Variants in PCDHGA11 observed in about 807,000 individuals in gnomAD.
PCDHGA11 encodes the protein protocadherin gamma-A11.
In PCDHGA11, 39 loss-of-function variants were observed where a neutral mutation model predicts 60.4. That is an observed-to-expected ratio of 0.65 (90% CI 0.50 to 0.84). The LOEUF is 0.84. Among genes scored for constraint, PCDHGA11 ranks in the 40% least tolerant of loss-of-function variants. The pLI is 0.00. For synonymous variants in PCDHGA11, 533 were observed against 510.3 expected (o/e 1.04, Z -0.60); for missense variants, 1,165 against 1,197.7 (o/e 0.97, Z 0.40).
intron 1 of PCDHGA11, chr5:141,478,822 T>C: frequency 4.2e-6 from 6 of 1,444,070 alleles, no homozygotes; most frequent in Non-Finnish European, 5.5e-6. Flanking sequence ...AACTAACCAA[T>C]CTTGCTAAGG....
rs1160304959 is a variant in PCDHGA11, at chr5:141,490,969, C to A, written c.2434-3838C>A. On this transcript the variant is annotated intron_variant, in intron 1 of 3. Coordinates refer to ENST00000398587, the MANE Select transcript of PCDHGA11 (RefSeq NM_018914.3). This position sits in a 1 kb window ranked among gnomAD's most constrained non-coding sequence, Gnocchi z 5.4. ...GCCAGACTGGGAACACTCAGCCCCC[C>A]AGCGTCTCCCTCGCTCTGCTCCTCC... The A allele has an allele frequency of 2.5e-6, 4 of 1,613,820 alleles. No individual in the cohort carries two copies. In the African/African-American group the frequency reaches 4.0e-5, roughly 16 times the overall value.
At chr5:141,454,203 T>C (rs981646952) in intron 1 of PCDHGA11, among the ~76,000 whole-genome samples, 2 of 152,148 alleles carry the variant, frequency 1.3e-5, no homozygotes, top group African/African-American at 4.8e-5. Flanking sequence ...GGTGAATTTA[T>C]TGACATGAAT....
At chr5:141,507,786 G>A (rs536470814) in intron 3 of PCDHGA11, among the ~76,000 whole-genome samples, 3 of 152,292 alleles carry the variant, frequency 2.0e-5, no homozygotes, top group East Asian at 1.9e-4. Context: ...CCTGACCCTC[G>A]TCTAAGCCTG....
rs182905441 is a variant in PCDHGA11, at chr5:141,450,871, C to A, written c.2433+27211C>A. Among the ~76,000 whole-genome samples, 581 of 149,672 alleles carry A rather than the reference C, an allele frequency of 3.9e-3. 6 individuals carry two copies. Among genetic ancestry groups the A allele is most frequent in the Admixed American group, 0.011 (168 of 14,998 alleles). ...ATGGGGTCTTGCTCTGTCACCCAGGCTGGTGTGCAGTGGTGCGATATCGGC... is the reference window on the plus strand; with the variant it reads ...ATGGGGTCTTGCTCTGTCACCCAGGATGGTGTGCAGTGGTGCGATATCGGC... On this transcript the variant is annotated intron_variant, in intron 1 of 3. Coordinates refer to ENST00000398587, the MANE Select transcript of PCDHGA11 (RefSeq NM_018914.3).
Position 141,486,587 on chromosome 5 carries a change from G to C in PCDHGA11, c.2434-8220G>C. 6.2e-7 allele frequency: 1 copy of C among 1,613,596 alleles called. No individual in the cohort carries two copies. The highest frequency in any genetic ancestry group is 8.5e-7 in the Non-Finnish European group (1 of 1,180,006). On this transcript the variant is annotated intron_variant, in intron 1 of 3. Transcript: ENST00000398587. The surrounding 1 kb of genome is among the most constrained non-coding windows in gnomAD (Gnocchi z 5.0). ...TGTTCCTGAGAACAATCGCCCAGGG[G>C]ACCTGCTTTGCTCCCTTGCAGCCTC...
Position 141,487,532 on chromosome 5 carries a change from A to C in PCDHGA11, c.2434-7275A>C. 6.2e-7 allele frequency: 1 copy of C among 1,614,158 alleles called. No homozygotes were observed. Among genetic ancestry groups the C allele is most frequent in the Non-Finnish European group, 8.5e-7 (1 of 1,180,022 alleles). On this transcript the variant is annotated intron_variant, in intron 1 of 3. Transcript: ENST00000398587. This position sits in a 1 kb window ranked among gnomAD's most constrained non-coding sequence, Gnocchi z 5.0. Reference sequence around the variant, plus strand: ...ACCCACTCGGAGTGATAGCTTCATGATGGTGAAGTCACCCAGTGCACCTAT... The same window carrying C: ...ACCCACTCGGAGTGATAGCTTCATGCTGGTGAAGTCACCCAGTGCACCTAT...
At chr5:141,454,838 C>T (rs1472341694) in intron 1 of PCDHGA11, among the ~76,000 whole-genome samples, 7 of 100,814 alleles carry the variant, frequency 6.9e-5, no homozygotes, top group Non-Finnish European at 1.1e-4. Flanking sequence ...GACAGAGTCG[C>T]GCTCTGTCAC....
intron 1 of PCDHGA11, among the ~76,000 whole-genome samples, chr5:141,457,537 T>C (rs967428207): frequency 6.6e-6 from 1 of 152,228 alleles, no homozygotes; most frequent in Non-Finnish European, 1.5e-5. Context: ...TAGGGTTTAA[T>C]GACAAATGTA....
At chr5:141,499,689 CT>C (rs545067566) in intron 2 of PCDHGA11, among the ~76,000 whole-genome samples, 4,434 of 119,828 alleles carry the variant, frequency 0.037, 46 homozygotes, top group African/African-American at 0.083. Context: ...TAACAGATGA[CT>C]TTTTTTTTTT....
chr5:141,426,998 A>C (rs981827933), intron 1 of PCDHGA11: 8 of 456,664 alleles, frequency 1.8e-5, no homozygotes, highest in African/African-American at 1.6e-4. Flanking sequence ...ATAATGCCCC[A>C]GTTTTTAGCC....
chr5:141,466,674 T>C (rs2099127051), intron 1 of PCDHGA11, among the ~76,000 whole-genome samples: 1 of 152,222 alleles, frequency 6.6e-6, no homozygotes, highest in South Asian at 2.1e-4. Flanking sequence ...TTCACCGTTC[T>C]TCCACTCAAG....
intron 1 of PCDHGA11, among the ~76,000 whole-genome samples, chr5:141,435,794 C>T (rs993951734): frequency 2.6e-5 from 4 of 151,934 alleles, no homozygotes; most frequent in Admixed American, 6.6e-5. Flanking sequence ...GGAAACATAA[C>T]GTCCCAATTA....
rs766784928 is a variant in PCDHGA11, at chr5:141,431,447, G to T, written c.2433+7787G>T. ...GCGCACAGGCACCGCGCGCATCCGC[G>T]TGATGGTTCTGGATGCGAACGACAA... On this transcript the variant is annotated intron_variant, in intron 1 of 3. Coordinates refer to ENST00000398587, the MANE Select transcript of PCDHGA11 (RefSeq NM_018914.3). The surrounding 1 kb of genome is among the most constrained non-coding windows in gnomAD (Gnocchi z 4.8). 2 of 1,613,792 alleles carry T rather than the reference G, an allele frequency of 1.2e-6. No individual in the cohort carries two copies. The highest frequency in any genetic ancestry group is 1.7e-6 in the Non-Finnish European group (2 of 1,180,014).
chr5:141,430,033 C>T (rs556099456), intron 1 of PCDHGA11, among the ~76,000 whole-genome samples: 1 of 152,066 alleles, frequency 6.6e-6, no homozygotes, highest in Non-Finnish European at 1.5e-5. Context: ...AAGTGTGATT[C>T]TGATAATGTA....
At position 141,487,198 on chromosome 5, in the gene PCDHGA11, T is replaced by A; in HGVS notation, c.2434-7609T>A. The A allele has an allele frequency of 1.2e-6, 2 of 1,613,854 alleles. No individual in the cohort carries two copies. The highest frequency in any genetic ancestry group is 1.7e-6 in the Non-Finnish European group (2 of 1,179,722). ...AAGACACTCATCCAGTTGTCCCAGATCTTCGAGAATCTTCAGCTCCAAGGG... is the reference window on the plus strand; with the variant it reads ...AAGACACTCATCCAGTTGTCCCAGAACTTCGAGAATCTTCAGCTCCAAGGG... On this transcript the variant is annotated intron_variant, in intron 1 of 3. Transcript: ENST00000398587. The surrounding 1 kb of genome is among the most constrained non-coding windows in gnomAD (Gnocchi z 5.0).
rs748828282 is a variant in PCDHGA11 at position 141,491,412 on chromosome 5, C to T, written c.2434-3395C>T. The T allele has an allele frequency of 3.1e-6, 5 of 1,613,944 alleles. No homozygotes were observed. The African/African-American group carries it at 5.3e-5, about 17-fold the overall frequency. Reference sequence around the variant, plus strand: ...GCCTTCAGGGAAACGCAGACGGGGACGGGGGTGGAGGGCAGTGCTGCAGGC... The same window carrying T: ...GCCTTCAGGGAAACGCAGACGGGGATGGGGGTGGAGGGCAGTGCTGCAGGC... On this transcript the variant is annotated intron_variant, in intron 1 of 3. Coordinates refer to ENST00000398587, the MANE Select transcript of PCDHGA11 (RefSeq NM_018914.3). The surrounding 1 kb of genome is among the most constrained non-coding windows in gnomAD (Gnocchi z 6.9).
At position 141,421,964 on chromosome 5, in the gene PCDHGA11, C is replaced by T. The variant is rs772274014; in HGVS notation, c.737C>T (p.Ser246Phe). ...GATCACATCCCAATGTTTACACAGTCCGTATATCGCGTGAGTGTTCCAGAA... is the reference window on the plus strand; with the variant it reads ...GATCACATCCCAATGTTTACACAGTTCGTATATCGCGTGAGTGTTCCAGAA... ...VNDHIPMFTQSVYRVSVPENI... is the reference protein window; with the variant it reads ...VNDHIPMFTQFVYRVSVPENI... The change falls in exon 1 of 4, where the codon TCC (serine) becomes TTC (phenylalanine). Residue 246 changes from serine (S) to phenylalanine (F), a missense_variant. Transcript: ENST00000398587. 1.9e-6 allele frequency: 3 copies of T among 1,611,472 alleles called. No homozygotes were observed. Among genetic ancestry groups the T allele is most frequent in the Non-Finnish European group, 1.7e-6 (2 of 1,178,766 alleles).
rs142172414 is a variant in PCDHGA11, at chr5:141,477,145, G to A, written c.2434-17662G>A. On this transcript the variant is annotated intron_variant, in intron 1 of 3. Coordinates refer to ENST00000398587, the MANE Select transcript of PCDHGA11 (RefSeq NM_018914.3). The surrounding 1 kb of genome is among the most constrained non-coding windows in gnomAD (Gnocchi z 4.9). ...ATTGCAAAGTGTTGGTGGAGGTTGT[G>A]GATGTGAATGACAACGCCCCGGAGA... The A allele has an allele frequency of 3.7e-6, 6 of 1,614,054 alleles. No homozygotes were observed. The African/African-American group carries it at 8.0e-5, about 22-fold the overall frequency.
chr5:141,469,155 A>C (rs1342352040), intron 1 of PCDHGA11, among the ~76,000 whole-genome samples: 3 of 152,108 alleles, frequency 2.0e-5, no homozygotes, highest in Admixed American at 1.3e-4. Context: ...ACATGTCTGT[A>C]GTCCCAGCTA....
Sources: allele counts gnomAD v4.1 joint callset (sites outside exome capture counted in the v4.1 genomes callset), GRCh38; gene constraint gnomAD v4.1.1; non-coding constraint Gnocchi (gnomAD v3.1); transcripts MANE v1.5; gene names NCBI Gene and HGNC (gene_info 2026-07-23, HGNC 2026-07-21).